PSMD6: variants seen among roughly 807,000 people sequenced by gnomAD.
PSMD6 encodes 26S proteasome non-ATPase regulatory subunit 6.
In PSMD6, 7 loss-of-function variants were observed where a neutral mutation model predicts 44.9. The ratio of observed to expected loss-of-function variants is 0.16; its 90% CI spans 0.09 to 0.29. The LOEUF is 0.29. PSMD6 is among the 10% of genes least tolerant of loss of function. The pLI, the probability that PSMD6 is intolerant of heterozygous loss-of-function variation, is 1.00. For missense variants in PSMD6, 420 were observed against 482.6 expected (o/e 0.87, Z 1.21); for synonymous variants, 184 against 172.7 (o/e 1.07, Z -0.51).
chr3:64,010,819 C>CAATAGTTGACCTACTTTTAAAAT, intron 7 of PSMD6, 55 bp from the exon 8 acceptor site: 1 of 1,574,276 alleles, frequency 6.4e-7, no homozygotes. Context: ...TATTCCATGA[C>CAATAGTTGACCTACTTTTAAAAT]AATAGTTGAC....
In PSMD6 at chr3:64,010,887, T is replaced by TCTA; in HGVS notation, c.1061_1063dup (p.Val354dup). On this transcript the variant is annotated inframe_insertion, in exon 7 of 8. Transcript: ENST00000295901. Reference sequence around the variant, plus strand: ...TGAGAAATGAGAGTACCTGTTGGTTTCTACTATTTCATTCACTTTATCTAT... The same window carrying TCTA: ...TGAGAAATGAGAGTACCTGTTGGTTTCTACTACTATTTCATTCACTTTATCTAT... The TCTA allele has an allele frequency of 6.2e-7, 1 of 1,609,094 alleles. No homozygotes were observed. Among genetic ancestry groups the TCTA allele is most frequent in the Non-Finnish European group, 8.5e-7 (1 of 1,176,558 alleles).
At chr3:64,019,761 C>A (rs199693772) in intron 2 of PSMD6, 3 of 231,036 alleles carry the variant, frequency 1.3e-5, no homozygotes, top group African/African-American at 2.3e-5. Context: ...TGTTTTCTCT[C>A]ATAATCACAA....
upstream of PSMD6, chr3:64,023,634 C>A (rs1471853197): frequency 2.3e-5 from 33 of 1,427,608 alleles, no homozygotes; most frequent in Non-Finnish European, 2.9e-5. Context: ...TTTCCACCCT[C>A]AAGGCCCCCT....
At chr3:64,022,767 C>T in intron 1 of PSMD6, 4 of 1,536,214 alleles carry the variant, frequency 2.6e-6, no homozygotes, top group Non-Finnish European at 3.5e-6. Flanking sequence ...GAGGGCAATC[C>T]TCGGTTTGCT....
At chr3:64,011,752 C>A (rs1001941063) in intron 6 of PSMD6, 1 of 152,134 alleles carries the variant, frequency 6.6e-6, no homozygotes, top group Non-Finnish European at 1.5e-5. Context: ...AGGAATACTG[C>A]GGTGTGTGCC....
chr3:64,023,235 C>T, intron 1 of PSMD6, 40 bp downstream of exon 1: 4 of 1,528,956 alleles, frequency 2.6e-6, no homozygotes, highest in Non-Finnish European at 3.5e-6. Flanking sequence ...GGGGACGGCC[C>T]AGGCCTAGGC....
chr3:64,022,869 T>C, intron 1 of PSMD6: 2 of 1,519,844 alleles, frequency 1.3e-6, no homozygotes, highest in Non-Finnish European at 1.8e-6. Context: ...ACACATTCAC[T>C]ACAGAAGGGC....
chr3:64,012,969 G>A (rs2075985202), intron 6 of PSMD6: 1 of 152,610 alleles, frequency 6.6e-6, no homozygotes, highest in Non-Finnish European at 1.5e-5. Flanking sequence ...AGTAATGAAT[G>A]GCTCATTAAG....
intron 5 of PSMD6, chr3:64,016,455 A>AT (rs1351427859): frequency 1.2e-4 from 18 of 151,882 alleles, no homozygotes; most frequent in African/African-American, 4.4e-4. Flanking sequence ...GGTCATGAAG[A>AT]TTAAAAAAAA....
chr3:64,017,253 A>G (rs1357446209), intron 5 of PSMD6: 2 of 152,228 alleles, frequency 1.3e-5, no homozygotes, highest in Non-Finnish European at 2.9e-5. Context: ...AATATATGAA[A>G]AAGCACTGAA....
intron 5 of PSMD6, chr3:64,017,322 G>A (rs2076061212): frequency 6.6e-6 from 1 of 152,072 alleles, no homozygotes; most frequent in African/African-American, 2.4e-5. Context: ...TTTAAAGGAG[G>A]GGGCATACAA....
chr3:64,021,001 C>T (rs1265655963), intron 2 of PSMD6, among the ~76,000 whole-genome samples: 1 of 151,888 alleles, frequency 6.6e-6, no homozygotes, highest in Non-Finnish European at 1.5e-5. Context: ...TGGTGAGTAC[C>T]CCTCTGGTGC....
intron 5 of PSMD6, among the ~76,000 whole-genome samples, chr3:64,018,059 C>A (rs1396702465): frequency 6.6e-6 from 1 of 152,170 alleles, no homozygotes; most frequent in Non-Finnish European, 1.5e-5. Flanking sequence ...AGATTATTTT[C>A]TTAACCCATA....
At chr3:64,023,032 TC>T in intron 1 of PSMD6, 1 of 1,423,782 alleles carries the variant, frequency 7.0e-7, no homozygotes, top group Middle Eastern at 2.6e-4. Flanking sequence ...CTCACGATTC[TC>T]CCCCAAGCTG....
rs2578011 is a variant in PSMD6 at position 64,019,143 on chromosome 3, C to T, written c.498-106G>A. 219,800 of 1,385,534 alleles carry T rather than the reference C, an allele frequency of 0.16. 19,440 individuals are homozygous for T. The highest frequency in any genetic ancestry group is 0.31 in the East Asian group (13,540 of 43,094). The allele number at this position is 1,385,534 out of a possible 1,614,324, so 85.8% of individuals were successfully genotyped here. On this transcript the variant is annotated intron_variant, in intron 3 of 7. Transcript: ENST00000295901. ...GAAAACAACTTTTAACAACTTGAAC[C>T]GAAAGGAGATATTTAAATTATTTTA... is the stretch of plus-strand genomic sequence containing the variant.
chr3:64,022,615 G>C lies in PSMD6; in HGVS notation c.146-92C>G, dbSNP rs750295685. The C allele has an allele frequency of 5.1e-6, 8 of 1,579,852 alleles. No individual in the cohort carries two copies. In the Admixed American group the frequency reaches 1.2e-4, roughly 25 times the overall value. ...TATTTCACCCCCCGCCCCGCCACAAGTCATCCACCAGTCTCTTCCCCACTA... is the reference window on the plus strand; with the variant it reads ...TATTTCACCCCCCGCCCCGCCACAACTCATCCACCAGTCTCTTCCCCACTA... On this transcript the variant is annotated intron_variant, in intron 1 of 7. Transcript: ENST00000295901.
At chr3:64,014,237 G>A (rs1197741205) in intron 5 of PSMD6, 1 of 152,112 alleles carries the variant, frequency 6.6e-6, no homozygotes, top group African/African-American at 2.4e-5. Context: ...GTATTAATGA[G>A]CAATCCACAC....
intron 5 of PSMD6, chr3:64,014,696 G>A (rs1205563043): frequency 6.6e-6 from 1 of 152,192 alleles, no homozygotes; most frequent in African/African-American, 2.4e-5. Flanking sequence ...TTTGTTTTTA[G>A]TGTTGGGGGT....
chr3:64,012,147 G>A (rs2075967173), intron 6 of PSMD6: 1 of 150,810 alleles, frequency 6.6e-6, no homozygotes, highest in Middle Eastern at 3.4e-3. Context: ...ATTGTAACAA[G>A]CAAATATGTT....
Sources: gnomAD v4.1 joint callset for allele counts (sites outside exome capture counted in the v4.1 genomes callset) on GRCh38, gnomAD v4.1.1 for gene constraint, MANE v1.5 for transcripts, NCBI Gene and HGNC (gene_info 2026-07-23, HGNC 2026-07-21) for gene names.